The following BICD1 variants were observed in gnomAD, a reference collection of about 807,000 sequenced individuals.
BICD1 encodes BICD cargo adaptor 1.
Under a neutral mutation model 92.5 loss-of-function variants are expected in BICD1, and 35 were observed. The observed-to-expected ratio is 0.38, with a 90% CI of 0.29 to 0.50. BICD1 has a LOEUF of 0.50. Ranked by LOEUF, BICD1 falls within the 20% of genes least tolerant of loss-of-function variation. BICD1 has a pLI of 0.93. For missense variants in BICD1, 950 were observed against 1,189.8 expected (o/e 0.80, Z 2.97); for synonymous variants, 429 against 465.1 (o/e 0.92, Z 1.00).
intron 8 of BICD1, among the ~76,000 whole-genome samples, chr12:32,346,560 A>ACGTG (rs1257647602): frequency 4.7e-5 from 1 of 21,156 alleles, no homozygotes; most frequent in Non-Finnish European, 7.8e-5. Context: ...ATATATATAT[A>ACGTG]TATATATATA....
At chr12:32,366,075 A>T (rs550231669) in intron 8 of BICD1, among the ~76,000 whole-genome samples, 2 of 152,254 alleles carry the variant, frequency 1.3e-5, no homozygotes, top group Non-Finnish European at 2.9e-5. Context: ...TCTTGAGTGA[A>T]CAAAAATCAA....
intron 1 of BICD1, among the ~76,000 whole-genome samples, chr12:32,181,853 G>A (rs950802986): frequency 1.3e-5 from 2 of 151,946 alleles, no homozygotes. Context: ...CATCAATTCA[G>A]CAAAAGCAAA....
intron 2 of BICD1, among the ~76,000 whole-genome samples, chr12:32,274,864 G>C (rs1329253525): frequency 6.6e-6 from 1 of 152,060 alleles, no homozygotes; most frequent in Non-Finnish European, 1.5e-5. Context: ...AACCTCCCTT[G>C]CCTCAGTTGG....
chr12:32,342,637 T>C lies in BICD1; in HGVS notation c.2764+3658T>C, dbSNP rs373113772. Among the ~76,000 whole-genome samples, 3 of 152,328 alleles carry C rather than the reference T, an allele frequency of 2.0e-5. No homozygotes were observed. The East Asian group carries it at 5.8e-4, about 29-fold the overall frequency. On this transcript the variant is annotated intron_variant, in intron 8 of 9. Coordinates refer to ENST00000652176, the MANE Select transcript of BICD1 (RefSeq NM_001714.4). ...GGCTTTATTTTTCTATTGAGGACCA[T>C]TGAAACAATTACCTCAACTAAAAAT...
chr12:32,122,166 G>C (rs1431305642), intron 1 of BICD1, among the ~76,000 whole-genome samples: 1 of 151,522 alleles, frequency 6.6e-6, no homozygotes, highest in Non-Finnish European at 1.5e-5. Flanking sequence ...CTTTCTTAAG[G>C]CTGGGCGCGC....
intron 4 of BICD1, among the ~76,000 whole-genome samples, chr12:32,324,737 G>A (rs914889771): frequency 3.0e-4 from 45 of 152,016 alleles, no homozygotes; most frequent in African/African-American, 9.6e-4. Context: ...CACCTTGCCC[G>A]GCTAATTTTT....
intron 8 of BICD1, among the ~76,000 whole-genome samples, chr12:32,354,935 A>G (rs1939041489): frequency 6.6e-6 from 1 of 152,088 alleles, no homozygotes. Flanking sequence ...TTGTTTAGGA[A>G]TTCATAGGAC....
At chr12:32,166,485 T>C (rs1038207961) in intron 1 of BICD1, among the ~76,000 whole-genome samples, 2 of 152,142 alleles carry the variant, frequency 1.3e-5, no homozygotes, top group Non-Finnish European at 2.9e-5. Context: ...TTCTGGCATC[T>C]AGTGGGTAGA....
intron 1 of BICD1, among the ~76,000 whole-genome samples, chr12:32,206,694 C>T (rs1040422977): frequency 6.6e-6 from 1 of 152,210 alleles, no homozygotes; most frequent in Admixed American, 6.5e-5. Flanking sequence ...ACAGTGTTCA[C>T]AGCTACATTG....
chr12:32,107,842 T>A lies in BICD1; in HGVS notation c.213+298T>A, dbSNP rs927270419. ...ACTCTAAGACGACATTCAAGTGGGT[T>A]GGAATGTATAAATCAAACTTCTCAA... On this transcript the variant is annotated intron_variant, in intron 1 of 9. Transcript: ENST00000652176. 37 of 659,866 alleles carry A rather than the reference T, an allele frequency of 5.6e-5. No individual in the cohort carries two copies. The African/African-American group carries it at 6.5e-4, about 12-fold the overall frequency. The allele number at this position is 659,866 out of a possible 1,614,324, so 40.9% of individuals were successfully genotyped here.
At chr12:32,118,091 A>ATTTTATTTTTTTTT (rs1555126592) in intron 1 of BICD1, among the ~76,000 whole-genome samples, 1 of 46,832 alleles carries the variant, frequency 2.1e-5, no homozygotes. Context: ...TATTTTATTT[A>ATTTTATTTTTTTTT]TTTTTTTTGA....
At chr12:32,275,808 C>T (rs1225689968) in intron 2 of BICD1, among the ~76,000 whole-genome samples, 4 of 152,124 alleles carry the variant, frequency 2.6e-5, no homozygotes, top group Non-Finnish European at 4.4e-5. Flanking sequence ...TCCTGCACGG[C>T]TAAGTGCCTG....
At chr12:32,339,563 C>T in intron 8 of BICD1, 1 of 985,440 alleles carries the variant, frequency 1.0e-6, no homozygotes, top group Non-Finnish European at 1.2e-6. Flanking sequence ...CACTTAGCTT[C>T]ACTATTTTGC....
At chr12:32,282,628 C>A (rs923399061) in intron 2 of BICD1, among the ~76,000 whole-genome samples, 4 of 152,046 alleles carry the variant, frequency 2.6e-5, no homozygotes, top group Non-Finnish European at 5.9e-5. Context: ...GATGAGGTTG[C>A]CTTTGGGAAG....
intron 5 of BICD1, among the ~76,000 whole-genome samples, chr12:32,333,432 A>AT (rs1937966545): frequency 6.6e-6 from 1 of 152,210 alleles, no homozygotes; most frequent in Admixed American, 6.5e-5. Context: ...CATTGATTTA[A>AT]TTAAGAAAGA....
intron 2 of BICD1, among the ~76,000 whole-genome samples, chr12:32,259,777 G>A (rs1946808544): frequency 6.6e-6 from 1 of 152,216 alleles, no homozygotes; most frequent in African/African-American, 2.4e-5. Context: ...GCAAGGGCTT[G>A]TAGGAAGAGG....
At chr12:32,181,276 T>C (rs970567992) in intron 1 of BICD1, among the ~76,000 whole-genome samples, 1 of 151,528 alleles carries the variant, frequency 6.6e-6, no homozygotes, top group Non-Finnish European at 1.5e-5. Context: ...AAAAATTAGC[T>C]GGGAGTGGTG....
intron 1 of BICD1, among the ~76,000 whole-genome samples, chr12:32,122,404 G>C (rs1349510617): frequency 3.3e-5 from 5 of 151,614 alleles, no homozygotes; most frequent in Non-Finnish European, 7.4e-5. Context: ...CAGGAGAATG[G>C]TGTGAACCTG....
chr12:32,352,195 A>C (rs1236841498), intron 8 of BICD1, among the ~76,000 whole-genome samples: 1 of 148,570 alleles, frequency 6.7e-6, no homozygotes. Flanking sequence ...ACAGAGCAAG[A>C]CTCTGTCTCA....
Sources: allele counts gnomAD v4.1 joint callset (sites outside exome capture counted in the v4.1 genomes callset), GRCh38; gene constraint gnomAD v4.1.1; transcripts MANE v1.5; gene names NCBI Gene and HGNC (gene_info 2026-07-23, HGNC 2026-07-21).